Variants in BNC2 observed in about 807,000 individuals in gnomAD.
BNC2 encodes the protein basonuclin zinc finger protein 2, also known as zinc finger protein basonuclin-2.
Under a neutral mutation model 76.3 loss-of-function variants are expected in BNC2, and 20 were observed. The observed-to-expected ratio is 0.26, with a 90% CI of 0.18 to 0.38. The LOEUF (loss-of-function observed/expected upper bound fraction) is 0.38. BNC2 is among the 10% of genes least tolerant of loss of function. The pLI, the probability that BNC2 is intolerant of heterozygous loss-of-function variation, is 1.00. For missense variants in BNC2, 1,382 were observed against 1,399.8 expected, an observed-to-expected ratio of 0.99 and a Z score of 0.20; for synonymous variants, 582 against 514.8, an observed-to-expected ratio of 1.13 and a Z score of -1.77.
chr9:16,690,579 G>A lies in BNC2; in HGVS notation c.330+37218C>T, dbSNP rs557370049. ...AACACAGTACTTATCCATTTTCAAG[G>A]ATGGAATGACCAGAAATACATTCAT... On this transcript the variant is annotated intron_variant, in intron 3 of 6. Coordinates refer to ENST00000380672, the MANE Select transcript of BNC2 (RefSeq NM_017637.6). Among the ~76,000 whole-genome samples, 10 of 152,230 alleles carry A rather than the reference G, an allele frequency of 6.6e-5. No homozygotes were observed. The East Asian group carries it at 1.9e-3, about 29-fold the overall frequency.
intron 1 of BNC2, among the ~76,000 whole-genome samples, chr9:16,824,735 C>G (rs1386083493): frequency 6.6e-6 from 1 of 152,166 alleles, no homozygotes; most frequent in African/African-American, 2.4e-5. Context: ...AAGTATGAGC[C>G]ACAGAGGGAA....
Position 16,418,699 on chromosome 9 carries a change from T to TGCGC in BNC2, c.*289_*290insGCGC. On this transcript the variant is annotated 3_prime_UTR_variant, in exon 7 of 7. Transcript: ENST00000380672. ...GTGTGTGTGTGTGTGTGTATGTGCA[T>TGCGC]GTGTGTGTGTGTGTGTTTAAAGGGG... 4.1e-6 allele frequency: 1 copy of TGCGC among 243,426 alleles called. No homozygotes were observed. Among genetic ancestry groups the TGCGC allele is most frequent in the South Asian group, 4.7e-5 (1 of 21,230 alleles). 15.1% of individuals were successfully genotyped at this position (243,426 alleles called of 1,614,324 possible).
At chr9:16,761,155 G>A (rs1268983176) in intron 1 of BNC2, among the ~76,000 whole-genome samples, 2 of 152,144 alleles carry the variant, frequency 1.3e-5, no homozygotes, top group African/African-American at 2.4e-5. Context: ...GGCTAAGGCA[G>A]GAAGCTCACT....
At chr9:16,763,927 T>C (rs1437563884) in intron 1 of BNC2, among the ~76,000 whole-genome samples, 1 of 152,174 alleles carries the variant, frequency 6.6e-6, no homozygotes, top group African/African-American at 2.4e-5. Flanking sequence ...TGAACACTAA[T>C]CACTCCCTAC....
intron 4 of BNC2, among the ~76,000 whole-genome samples, chr9:16,554,337 A>C (rs1341080373): frequency 6.6e-6 from 1 of 152,126 alleles, no homozygotes; most frequent in Non-Finnish European, 1.5e-5. Flanking sequence ...TGGTCACTAG[A>C]GAGTTCATGT....
intron 3 of BNC2, among the ~76,000 whole-genome samples, chr9:16,588,813 A>C (rs1178472249): frequency 6.6e-6 from 1 of 152,204 alleles, no homozygotes; most frequent in Non-Finnish European, 1.5e-5. Context: ...GTTTATGTGA[A>C]TTGAACCCCA....
In BNC2 at chr9:16,411,465, G is replaced by T. The variant is rs7853747; in HGVS notation, c.*7524C>A. ...TTACAAACGTCCTTAAGCATCCCTGGTATTTTAGAGTTAAGGGGAGAAAGC... is the reference window on the plus strand; with the variant it reads ...TTACAAACGTCCTTAAGCATCCCTGTTATTTTAGAGTTAAGGGGAGAAAGC... On this transcript the variant is annotated 3_prime_UTR_variant, in exon 7 of 7. Transcript: ENST00000380672. 84,741 of 152,418 alleles carry T rather than the reference G, an allele frequency of 0.56. 26,394 individuals are homozygous for T. The highest frequency in any genetic ancestry group is 0.85 in the African/African-American group (35,062 of 41,474). 9.4% of individuals were successfully genotyped at this position (152,418 alleles called of 1,614,324 possible).
chr9:16,691,433 T>C (rs944786290), intron 3 of BNC2, among the ~76,000 whole-genome samples: 34 of 152,128 alleles, frequency 2.2e-4, no homozygotes, highest in African/African-American at 7.0e-4. Context: ...ATTCTTGCTT[T>C]ACCTGGGTTT....
At chr9:16,511,276 G>A (rs1822748267) in intron 5 of BNC2, among the ~76,000 whole-genome samples, 1 of 151,248 alleles carries the variant, frequency 6.6e-6, no homozygotes, top group Non-Finnish European at 1.5e-5. Context: ...TGTCTGGCTG[G>A]TTTTTAAATT....
intron 1 of BNC2, among the ~76,000 whole-genome samples, chr9:16,862,915 ATTTTT>A (rs35319962): frequency 7.0e-6 from 1 of 142,652 alleles, no homozygotes; most frequent in Non-Finnish European, 1.5e-5. Context: ...ATATAGATAG[ATTTTT>A]TTTTTTTTTT....
chr9:16,429,889 A>C (rs1189677592), intron 6 of BNC2: 1 of 495,048 alleles, frequency 2.0e-6, no homozygotes, highest in Non-Finnish European at 4.0e-6. Flanking sequence ...TCTTGCATCC[A>C]GCTGGGCCAG....
At chr9:16,726,559 T>TAAAAAA (rs35579154) in intron 3 of BNC2, among the ~76,000 whole-genome samples, 3 of 102,408 alleles carry the variant, frequency 2.9e-5, no homozygotes, top group East Asian at 2.1e-4. Context: ...AAAAGCTTTT[T>TAAAAAA]AAAAAAAAAA....
chr9:16,489,478 C>G (rs1412195952), intron 5 of BNC2, among the ~76,000 whole-genome samples: 2 of 152,134 alleles, frequency 1.3e-5, no homozygotes, highest in South Asian at 2.1e-4. Context: ...AAATACAAAG[C>G]ATCAATCATT....
At chr9:16,577,927 G>C (rs1164431929) in intron 4 of BNC2, among the ~76,000 whole-genome samples, 3 of 152,128 alleles carry the variant, frequency 2.0e-5, no homozygotes, top group Non-Finnish European at 4.4e-5. Context: ...AATTTGCACA[G>C]AGAAAGCTGC....
At chr9:16,847,644 A>G (rs1426688965) in intron 1 of BNC2, among the ~76,000 whole-genome samples, 2 of 152,220 alleles carry the variant, frequency 1.3e-5, no homozygotes, top group East Asian at 1.9e-4. Context: ...TGTCCGAGAT[A>G]TATCAAGATA....
At chr9:16,474,004 A>G (rs755180) in intron 5 of BNC2, among the ~76,000 whole-genome samples, 45,568 of 152,170 alleles carry the variant, frequency 0.3, 7,066 homozygotes, top group African/African-American at 0.36. Flanking sequence ...TAGCTTGTCT[A>G]AATAACTTTT....
At chr9:16,644,163 C>T (rs1165964364) in intron 3 of BNC2, among the ~76,000 whole-genome samples, 1 of 152,028 alleles carries the variant, frequency 6.6e-6, no homozygotes, top group African/African-American at 2.4e-5. Flanking sequence ...CTATACATAC[C>T]AAATCAAAAG....
At chr9:16,863,322 TGA>T (rs1340056616) in intron 1 of BNC2, among the ~76,000 whole-genome samples, 3 of 152,274 alleles carry the variant, frequency 2.0e-5, no homozygotes, top group Admixed American at 2.0e-4. Context: ...GGAAAGACTA[TGA>T]AAAATAACTC....
At chr9:16,613,832 G>A (rs1018385107) in intron 3 of BNC2, among the ~76,000 whole-genome samples, 1 of 152,146 alleles carries the variant, frequency 6.6e-6, no homozygotes, top group Non-Finnish European at 1.5e-5. Context: ...TGTCATGGAA[G>A]ACTGCAAAAT....
Sources: allele counts gnomAD v4.1 joint callset (sites outside exome capture counted in the v4.1 genomes callset), GRCh38; gene constraint gnomAD v4.1.1; transcripts MANE v1.5; gene names NCBI Gene and HGNC (gene_info 2026-07-23, HGNC 2026-07-21).